Variants in CDH4 observed in about 807,000 individuals in gnomAD.
The protein encoded by CDH4 is cadherin 4, also known as cadherin-4.
CDH4 carries 33 observed loss-of-function variants against 86.0 expected under a neutral mutation model. The ratio of observed to expected loss-of-function variants is 0.38; its 90% CI spans 0.29 to 0.51. The LOEUF (loss-of-function observed/expected upper bound fraction) is 0.51, where lower values mean the gene tolerates loss of function less well. Ranked by LOEUF, CDH4 falls within the 20% of genes least tolerant of loss-of-function variation. CDH4 has a pLI of 0.86. For synonymous variants in CDH4, 555 were observed against 549.4 expected, an observed-to-expected ratio of 1.01 and a Z score of -0.14; for missense variants, 1,114 against 1,307.4, an observed-to-expected ratio of 0.85 and a Z score of 2.28.
chr20:61,533,181 C>G (rs1200455667), intron 2 of CDH4, among the ~76,000 whole-genome samples: 2 of 152,116 alleles, frequency 1.3e-5, no homozygotes, highest in African/African-American at 4.8e-5. Context: ...CCACTGAACT[C>G]AAGGTGGGAG....
intron 11 of CDH4, among the ~76,000 whole-genome samples, chr20:61,926,421 C>A (rs1308504657): frequency 6.6e-6 from 1 of 152,242 alleles, no homozygotes; most frequent in Non-Finnish European, 1.5e-5. Flanking sequence ...CAGCCTCCCC[C>A]AGCCAGCGCT....
chr20:61,845,692 G>T (rs1185122235), intron 5 of CDH4, among the ~76,000 whole-genome samples: 1 of 152,220 alleles, frequency 6.6e-6, no homozygotes, highest in African/African-American at 2.4e-5. Flanking sequence ...TTGTTCTGAG[G>T]ACTCCAGGGT....
chr20:61,464,415 C>T (rs1215964509), intron 2 of CDH4, among the ~76,000 whole-genome samples: 1 of 152,178 alleles, frequency 6.6e-6, no homozygotes, highest in Admixed American at 6.5e-5. Flanking sequence ...GAAGTTAACG[C>T]TGCTACTACA....
chr20:61,920,059 TTGTG>T (rs1164116226), intron 9 of CDH4, among the ~76,000 whole-genome samples: 107 of 135,898 alleles, frequency 7.9e-4, no homozygotes, highest in East Asian at 1.4e-3. Flanking sequence ...GGTATCGTGA[TTGTG>T]TGGAAGCGTG....
chr20:61,861,136 C>T (rs139563862), intron 6 of CDH4, among the ~76,000 whole-genome samples: 18 of 152,322 alleles, frequency 1.2e-4, no homozygotes, highest in African/African-American at 3.6e-4. Context: ...CCGCACTGGA[C>T]GTGGGCTCCG....
intron 2 of CDH4, among the ~76,000 whole-genome samples, chr20:61,665,199 A>G (rs1382912015): frequency 6.6e-6 from 1 of 152,222 alleles, no homozygotes; most frequent in African/African-American, 2.4e-5. Flanking sequence ...TTGGTCACAC[A>G]TCACAGACGG....
intron 2 of CDH4, among the ~76,000 whole-genome samples, chr20:61,286,501 G>A (rs73314958): frequency 0.11 from 16,226 of 152,260 alleles, 975 homozygotes; most frequent in African/African-American, 0.16. Flanking sequence ...TGGAGGGGGC[G>A]TGTACGGGTT....
At chr20:61,871,713 T>C (rs1203945371) in intron 6 of CDH4, among the ~76,000 whole-genome samples, 1 of 151,998 alleles carries the variant, frequency 6.6e-6, no homozygotes, top group Non-Finnish European at 1.5e-5. Flanking sequence ...CGGGGTGGGG[T>C]CCCTAGTTCC....
At chr20:61,511,168 GA>G (rs2085777113) in intron 2 of CDH4, among the ~76,000 whole-genome samples, 2 of 152,240 alleles carry the variant, frequency 1.3e-5, no homozygotes, top group Admixed American at 6.5e-5. Context: ...GAATTAGGTA[GA>G]ATATACCAGC....
chr20:61,725,206 AC>A (rs2088095905), intron 2 of CDH4, among the ~76,000 whole-genome samples: 1 of 151,918 alleles, frequency 6.6e-6, no homozygotes, highest in Non-Finnish European at 1.5e-5. Flanking sequence ...CATTTCCTCC[AC>A]CCATTCCTCC....
At chr20:61,286,001 C>T (rs538705014) in intron 2 of CDH4, among the ~76,000 whole-genome samples, 62 of 152,288 alleles carry the variant, frequency 4.1e-4, no homozygotes, top group South Asian at 1.5e-3. Context: ...TCTTTTCCTT[C>T]CCCCTTCCTA....
chr20:61,586,141 C>CG (rs1417154747), intron 2 of CDH4, among the ~76,000 whole-genome samples: 1 of 150,894 alleles, frequency 6.6e-6, no homozygotes, highest in Non-Finnish European at 1.5e-5. Context: ...ATGGTCATGA[C>CG]GGTGATTGTG....
chr20:61,820,764 A>C (rs1003376088), intron 4 of CDH4, among the ~76,000 whole-genome samples: 3 of 152,094 alleles, frequency 2.0e-5, no homozygotes, highest in African/African-American at 7.2e-5. Context: ...CAAGACCCTC[A>C]TCAGCTTTCT....
Position 61,703,900 on chromosome 20 carries a change from A to G in CDH4, c.170-39663A>G, listed in dbSNP as rs183322329. ...TAATTGTGACCTTTCAGAACTCCCAATTAAATTTTTCCAATAAAATGAAAA... is the reference window on the plus strand; with the variant it reads ...TAATTGTGACCTTTCAGAACTCCCAGTTAAATTTTTCCAATAAAATGAAAA... On this transcript the variant is annotated intron_variant, in intron 2 of 15. Coordinates refer to ENST00000614565, the MANE Select transcript of CDH4 (RefSeq NM_001794.5). This position sits in a 1 kb window ranked among gnomAD's most constrained non-coding sequence, Gnocchi z 4.3. Among the ~76,000 whole-genome samples the G allele has an allele frequency of 1.6e-4, 24 of 152,306 alleles. No homozygotes were observed. Among genetic ancestry groups the G allele is most frequent in the African/African-American group, 5.1e-4 (21 of 41,582 alleles).
intron 2 of CDH4, among the ~76,000 whole-genome samples, chr20:61,722,896 C>T (rs918102212): frequency 6.6e-6 from 1 of 152,270 alleles, no homozygotes. Context: ...GTTCCTGGGA[C>T]GATGCTGTTG....
chr20:61,434,642 G>T (rs1018300591), intron 2 of CDH4: 3 of 152,120 alleles, frequency 2.0e-5, no homozygotes, highest in Non-Finnish European at 4.4e-5. Context: ...GCACATTAGC[G>T]AGCTTCATAA....
intron 2 of CDH4, among the ~76,000 whole-genome samples, chr20:61,534,648 C>CTTTCT (rs1568881693): frequency 8.3e-5 from 9 of 108,376 alleles, no homozygotes; most frequent in African/African-American, 2.6e-4. Flanking sequence ...TTCTTTCTTT[C>CTTTCT]TTTTCTTTCT....
At chr20:61,747,678 G>C (rs920666907) in intron 3 of CDH4, among the ~76,000 whole-genome samples, 23 of 152,236 alleles carry the variant, frequency 1.5e-4, no homozygotes, top group African/African-American at 5.5e-4. Context: ...CATAGCTGAA[G>C]AATTAGTGAA....
intron 4 of CDH4, among the ~76,000 whole-genome samples, chr20:61,808,751 G>GCGCT (rs1442387653): frequency 1.3e-5 from 2 of 152,200 alleles, no homozygotes; most frequent in African/African-American, 2.4e-5. Context: ...TCCAGTCCAG[G>GCGCT]CGCTGGCCAA....
Sources: gnomAD v4.1 joint callset for allele counts (sites outside exome capture counted in the v4.1 genomes callset) on GRCh38, gnomAD v4.1.1 for gene constraint, Gnocchi (gnomAD v3.1) non-coding constraint, MANE v1.5 for transcripts, NCBI Gene and HGNC (gene_info 2026-07-23, HGNC 2026-07-21) for gene names.